The following TACR1 variants were observed in gnomAD, a reference collection of about 807,000 sequenced individuals.
TACR1 encodes the protein substance-P receptor.
A neutral mutation model predicts 35.8 loss-of-function variants in TACR1; 25 were observed. The observed-to-expected ratio is 0.70, with a 90% CI of 0.51 to 0.98. The LOEUF (loss-of-function observed/expected upper bound fraction) is 0.98, where lower values mean the gene tolerates loss of function less well. Among genes scored for constraint, TACR1 ranks in the 50% least tolerant of loss-of-function variants. The pLI is 0.00. For missense variants in TACR1, 478 were observed against 522.9 expected, an observed-to-expected ratio of 0.91 and a Z score of 0.84; for synonymous variants, 195 against 206.7, an observed-to-expected ratio of 0.94 and a Z score of 0.48.
intron 2 of TACR1, among the ~76,000 whole-genome samples, chr2:75,063,983 TG>T (rs1558540344): frequency 6.6e-6 from 1 of 152,118 alleles, no homozygotes; most frequent in Non-Finnish European, 1.5e-5. Context: ...GTAAATCCAC[TG>T]GCCCTTCCCA....
intron 1 of TACR1, among the ~76,000 whole-genome samples, chr2:75,190,848 G>A (rs1048548199): frequency 6.6e-5 from 10 of 152,226 alleles, no homozygotes; most frequent in Non-Finnish European, 1.3e-4. Flanking sequence ...TAAAGGGTGC[G>A]CTCATACAAA....
chr2:75,094,922 A>G (rs978532393), intron 2 of TACR1, among the ~76,000 whole-genome samples: 3 of 149,270 alleles, frequency 2.0e-5, no homozygotes, highest in Non-Finnish European at 4.4e-5. Context: ...AATCATTCAG[A>G]TTAGCAATGA....
At chr2:75,051,969 G>T (rs1160069971) in intron 3 of TACR1, among the ~76,000 whole-genome samples, 1 of 152,158 alleles carries the variant, frequency 6.6e-6, no homozygotes, top group East Asian at 1.9e-4. Context: ...GTGAGCTAGG[G>T]CAAGCTGCTT....
intron 1 of TACR1, among the ~76,000 whole-genome samples, chr2:75,157,894 C>G (rs1674901852): frequency 6.6e-6 from 1 of 152,192 alleles, no homozygotes; most frequent in Admixed American, 6.5e-5. Context: ...TACCTAGAGA[C>G]AGGGAAGTAA....
At chr2:75,091,201 C>CAAA (rs1184236584) in intron 2 of TACR1, among the ~76,000 whole-genome samples, 26 of 63,380 alleles carry the variant, frequency 4.1e-4, no homozygotes, top group Admixed American at 2.8e-3. Context: ...CTCGTAGGTG[C>CAAA]AAAAAAAAAA....
intron 2 of TACR1, among the ~76,000 whole-genome samples, chr2:75,107,249 G>C (rs1293149858): frequency 6.6e-6 from 1 of 151,830 alleles, no homozygotes; most frequent in African/African-American, 2.4e-5. Context: ...AAAATATAAA[G>C]AGAATTTAGC....
intron 1 of TACR1, among the ~76,000 whole-genome samples, chr2:75,140,690 A>G (rs1466277184): frequency 1.3e-5 from 2 of 152,218 alleles, no homozygotes; most frequent in Non-Finnish European, 2.9e-5. Context: ...CATGCTGCCC[A>G]GTGGCTTTAT....
intron 1 of TACR1, chr2:75,189,164 T>C (rs1343734360): frequency 6.6e-6 from 1 of 152,152 alleles, no homozygotes; most frequent in Non-Finnish European, 1.5e-5. Flanking sequence ...ACTACAAAAC[T>C]CGATTTCAGT....
intron 2 of TACR1, among the ~76,000 whole-genome samples, chr2:75,103,200 T>C (rs1213477959): frequency 6.6e-6 from 1 of 152,144 alleles, no homozygotes; most frequent in Non-Finnish European, 1.5e-5. Context: ...CTAATATCAT[T>C]CCCTAATAGA....
intron 2 of TACR1, 67 bp from the exon 3 acceptor site, chr2:75,053,822 ATTG>A: frequency 1.9e-6 from 3 of 1,593,024 alleles, no homozygotes; most frequent in Non-Finnish European, 2.6e-6. Flanking sequence ...AATTTTTGTT[ATTG>A]TTATTGCAGT....
chr2:75,088,915 T>A lies in TACR1; in HGVS notation c.584+31659A>T, dbSNP rs180911432. Among the ~76,000 whole-genome samples, 23 of 152,280 alleles carry A rather than the reference T, an allele frequency of 1.5e-4. No individual in the cohort carries two copies. In the East Asian group the frequency reaches 4.5e-3, roughly 29 times the overall value. On this transcript the variant is annotated intron_variant, in intron 2 of 4. Transcript: ENST00000305249. The stretch of plus-strand genomic sequence containing the variant: ...CATCTGCTTTAGCTGCGTGTGGTTG[T>A]CTTCCTTCCCTTTCCACATGCTGCC...
intron 1 of TACR1, among the ~76,000 whole-genome samples, chr2:75,139,844 C>T (rs1357318853): frequency 4.6e-5 from 7 of 152,088 alleles, no homozygotes; most frequent in Admixed American, 1.3e-4. Flanking sequence ...TGAGGGGAGG[C>T]GTGAGAGGAG....
chr2:75,168,170 A>G (rs913783309), intron 1 of TACR1, among the ~76,000 whole-genome samples: 1 of 152,234 alleles, frequency 6.6e-6, no homozygotes, highest in African/African-American at 2.4e-5. Flanking sequence ...ATCTCTAAAC[A>G]AATGTCAAAC....
intron 2 of TACR1, among the ~76,000 whole-genome samples, chr2:75,079,231 C>G (rs1191857737): frequency 2.6e-5 from 4 of 152,310 alleles, no homozygotes; most frequent in Admixed American, 2.0e-4. Context: ...TTTTCACTCT[C>G]TCTTTCATAT....
intron 2 of TACR1, among the ~76,000 whole-genome samples, chr2:75,112,620 CT>C (rs999348472): frequency 4.6e-5 from 7 of 151,138 alleles, no homozygotes; most frequent in Admixed American, 3.3e-4. Flanking sequence ...AGGGTTTTCA[CT>C]TTTTTTTTGA....
intron 1 of TACR1, among the ~76,000 whole-genome samples, chr2:75,129,247 T>C (rs1674135340): frequency 6.6e-6 from 1 of 152,242 alleles, no homozygotes; most frequent in South Asian, 2.1e-4. Context: ...GACACTGTGC[T>C]TTTTGGCCGC....
chr2:75,194,258 G>T (rs1295676602), intron 1 of TACR1, among the ~76,000 whole-genome samples: 1 of 152,132 alleles, frequency 6.6e-6, no homozygotes, highest in Non-Finnish European at 1.5e-5. Context: ...ACCCATCTGA[G>T]AATTAACAAA....
intron 1 of TACR1, among the ~76,000 whole-genome samples, chr2:75,184,582 A>T (rs1033915867): frequency 2.6e-5 from 4 of 151,928 alleles, no homozygotes; most frequent in African/African-American, 9.7e-5. Flanking sequence ...ACTTATTAAG[A>T]TAGCTGGTTT....
intron 3 of TACR1, among the ~76,000 whole-genome samples, chr2:75,051,921 G>A (rs961900171): frequency 3.9e-5 from 6 of 152,108 alleles, no homozygotes; most frequent in Non-Finnish European, 5.9e-5. Context: ...GGCTGGGTGG[G>A]CGGGCACAGC....
Sources: allele counts gnomAD v4.1 joint callset (sites outside exome capture counted in the v4.1 genomes callset), GRCh38; gene constraint gnomAD v4.1.1; transcripts MANE v1.5; gene names NCBI Gene and HGNC (gene_info 2026-07-23, HGNC 2026-07-21).